Variants in KRTAP15-1 observed in about 807,000 individuals in gnomAD.
The protein encoded by KRTAP15-1 is keratin associated protein 15-1.
For missense variants in KRTAP15-1, 181 were observed against 156.8 expected (o/e 1.15, Z -0.83); for synonymous variants, 65 against 59.6 (o/e 1.09, Z -0.42).
At position 30,440,592 on chromosome 21, in the gene KRTAP15-1, A is replaced by G. The variant is rs370155424; in HGVS notation, c.265A>G (p.Thr89Ala). Reference protein sequence around the residue: ...KNSIFCSPRQTNYIRSLGCGN... With the variant: ...KNSIFCSPRQANYIRSLGCGN... ...TTCCATCTTCTGCAGTCCCCGCCAG[A>G]CTAACTACATAAGATCCCTTGGATG... The change falls in exon 1 of 1, where the codon ACT becomes GCT. Residue 89 changes from threonine to alanine, a missense_variant. Coordinates refer to ENST00000334067, the MANE Select transcript of KRTAP15-1 (RefSeq NM_181623.3). 2.4e-5 allele frequency: 39 copies of G among 1,614,040 alleles called. No individual in the cohort carries two copies. Among genetic ancestry groups the G allele is most frequent in the Non-Finnish European group, 3.2e-5 (38 of 1,180,034 alleles).
At position 30,440,610 on chromosome 21, in the gene KRTAP15-1, C is replaced by T; in HGVS notation, c.283C>T (p.Leu95Phe). 1 of 1,614,192 alleles carries T rather than the reference C, an allele frequency of 6.2e-7. No homozygotes were observed. The highest frequency in any genetic ancestry group is 8.5e-7 in the Non-Finnish European group (1 of 1,180,034). Residue 95 changes from leucine (L) to phenylalanine (F), a missense_variant, in exon 1 of 1, where the codon CTT becomes TTT. Physicochemically the swap from Leu to Phe is conservative, Grantham distance 22 (BLOSUM62 0). Coordinates refer to ENST00000334067, the MANE Select transcript of KRTAP15-1 (RefSeq NM_181623.3). ...CCGCCAGACTAACTACATAAGATCC[C>T]TTGGATGTGGAAACACTGGCCTTGG... ...SPRQTNYIRS[L>F]GCGNTGLGSL...
At position 30,440,653 on chromosome 21, in the gene KRTAP15-1, G is replaced by A. The variant is rs907156855; in HGVS notation, c.326G>A (p.Ser109Asn). 1 of 1,614,076 alleles carries A rather than the reference G, an allele frequency of 6.2e-7. No individual in the cohort carries two copies. The highest frequency in any genetic ancestry group is 1.3e-5 in the African/African-American group (1 of 74,928). ...NTGLGSLGCG[S>N]TGFQSLDCGS... Reference sequence around the variant, plus strand: ...GGCCTTGGATCTCTTGGTTGTGGAAGCACTGGCTTCCAATCTCTGGACTGT... The same window carrying A: ...GGCCTTGGATCTCTTGGTTGTGGAAACACTGGCTTCCAATCTCTGGACTGT... The change falls in exon 1 of 1, where the codon AGC becomes AAC. Residue 109 changes from serine to asparagine, a missense_variant. Coordinates refer to ENST00000334067, the MANE Select transcript of KRTAP15-1 (RefSeq NM_181623.3).
chr21:30,440,577 T>G lies in KRTAP15-1; in HGVS notation c.250T>G (p.Cys84Gly). The change falls in exon 1 of 1, where the codon TGC becomes GGC. Residue 84 changes from cysteine to glycine, a missense_variant. Cys to Gly is a radical substitution (Grantham distance 159, BLOSUM62 -3). Transcript: ENST00000334067. ...TTACTGCCCAAAGAATTCCATCTTC[T>G]GCAGTCCCCGCCAGACTAACTACAT... is the stretch of plus-strand genomic sequence containing the variant. The part of the protein sequence containing the change: ...SCYCPKNSIF[C>G]SPRQTNYIRS... The G allele has an allele frequency of 6.2e-7, 1 of 1,614,186 alleles. No individual in the cohort carries two copies. The highest frequency in any genetic ancestry group is 8.5e-7 in the Non-Finnish European group (1 of 1,180,024).
chr21:30,440,400 A>G lies in KRTAP15-1; in HGVS notation c.73A>G (p.Thr25Ala), dbSNP rs1189008566. The change falls in exon 1 of 1, where the codon ACT (threonine) becomes GCT (alanine). Residue 25 changes from threonine (T) to alanine (A), a missense_variant. By Grantham distance (58) the Thr-to-Ala change is moderately conservative. Coordinates refer to ENST00000334067, the MANE Select transcript of KRTAP15-1 (RefSeq NM_181623.3). ...FGSYLRYPVS[T>A]YNLFYPSNAI... is the part of the protein sequence containing the mutation. ...AAGTTACCTGAGGTATCCAGTTTCC[A>G]CTTATAATTTGTTCTACCCCAGCAA... 3 of 1,614,050 alleles carry G rather than the reference A, an allele frequency of 1.9e-6. 1 individual carries two copies. Among genetic ancestry groups the G allele is most frequent in the South Asian group, 2.2e-5 (2 of 91,072 alleles).
In KRTAP15-1 at chr21:30,440,353, A is replaced by C; in HGVS notation, c.26A>C (p.Asn9Thr). ...ATGTCTTACAACTGCAGCTCTGGAA[A>C]CTTCTCCTCCTGCTGTTTTGGAAGT... Reference protein sequence around the residue: MSYNCSSGNFSSCCFGSYL... With the variant: MSYNCSSGTFSSCCFGSYL... Residue 9 changes from asparagine to threonine, a missense_variant, in exon 1 of 1, where the codon AAC (asparagine) becomes ACC (threonine). Transcript: ENST00000334067. The C allele has an allele frequency of 6.2e-7, 1 of 1,610,290 alleles. No homozygotes were observed.
chr21:30,440,410 T>A, the KRTAP15-1 span: 1 of 1,614,086 alleles, frequency 6.2e-7, no homozygotes, highest in Non-Finnish European at 8.5e-7. Flanking sequence ...ACTTATAATT[T>A]GTTCTACCCC....
In KRTAP15-1 at chr21:30,440,431, T is replaced by A. The variant is rs1279033880; in HGVS notation, c.104T>A (p.Ile35Asn). 1.1e-5 allele frequency: 18 copies of A among 1,613,978 alleles called. No individual in the cohort carries two copies. The highest frequency in any genetic ancestry group is 1.4e-5 in the Non-Finnish European group (17 of 1,179,954). ...AATTTGTTCTACCCCAGCAATGCCA[T>A]CTATTCTCCAAATACCTGCCAACTG... ...TYNLFYPSNA[I>N]YSPNTCQLGS... The change falls in exon 1 of 1, where the codon ATC becomes AAC. Residue 35 changes from isoleucine (I) to asparagine (N), a missense_variant. By Grantham distance (149) the Ile-to-Asn change is moderately radical. Coordinates refer to ENST00000334067, the MANE Select transcript of KRTAP15-1 (RefSeq NM_181623.3).
Position 30,440,321 on chromosome 21 carries a change from T to A in KRTAP15-1, c.-7T>A, listed in dbSNP as rs774529169. 3 of 1,592,036 alleles carry A rather than the reference T, an allele frequency of 1.9e-6. No individual in the cohort carries two copies. The Admixed American group carries it at 5.1e-5, about 27-fold the overall frequency. ...GCAAATCACCTGAGCTCAGAACTCC[T>A]GTTAACATGTCTTACAACTGCAGCT... is the stretch of plus-strand genomic sequence containing the variant. On this transcript the variant is annotated 5_prime_UTR_variant, in exon 1 of 1. Transcript: ENST00000334067.
Position 30,440,848 on chromosome 21 carries a change from C to A in KRTAP15-1, c.*107C>A, listed in dbSNP as rs1481755001. On this transcript the variant is annotated 3_prime_UTR_variant, in exon 1 of 1. Coordinates refer to ENST00000334067, the MANE Select transcript of KRTAP15-1 (RefSeq NM_181623.3). ...CTGCAACACTCAGCCTGTCCAATAT[C>A]TGTGATTGTTGACCATCTACATCAG... 1.8e-6 allele frequency: 2 copies of A among 1,099,270 alleles called. No individual in the cohort carries two copies. The highest frequency in any genetic ancestry group is 2.4e-5 in the East Asian group (1 of 42,268). 68.1% of individuals were successfully genotyped at this position (1,099,270 alleles called of 1,614,324 possible). A position where few individuals can be genotyped will look rare whatever the true frequency, so the allele number is the denominator to read the frequency against.
chr21:30,440,748 T>G lies in KRTAP15-1; in HGVS notation c.*7T>G, dbSNP rs1289684536. On this transcript the variant is annotated 3_prime_UTR_variant, in exon 1 of 1. Coordinates refer to ENST00000334067, the MANE Select transcript of KRTAP15-1 (RefSeq NM_181623.3). ...CCAGGCAACTTGTTACTAACCAGCC[T>G]TTGGGTCTCGCCTTTTTGGATCATC... 5.0e-6 allele frequency: 8 copies of G among 1,603,940 alleles called. No homozygotes were observed. Among genetic ancestry groups the G allele is most frequent in the Non-Finnish European group, 6.8e-6 (8 of 1,175,324 alleles).
rs749763094 is a variant in KRTAP15-1 at position 30,440,391 on chromosome 21, C to A, written c.64C>A (p.Pro22Thr). The change falls in exon 1 of 1, where the codon CCA becomes ACA. Residue 22 changes from proline to threonine, a missense_variant. By Grantham distance (38) the Pro-to-Thr change is conservative (BLOSUM62 -1). Transcript: ENST00000334067. ...SCCFGSYLRY[P>T]VSTYNLFYPS... is the part of the protein sequence containing the mutation. ...CTGTTTTGGAAGTTACCTGAGGTATCCAGTTTCCACTTATAATTTGTTCTA... is the reference window on the plus strand; with the variant it reads ...CTGTTTTGGAAGTTACCTGAGGTATACAGTTTCCACTTATAATTTGTTCTA... The A allele has an allele frequency of 1.9e-6, 3 of 1,613,976 alleles. No individual in the cohort carries two copies. The highest frequency in any genetic ancestry group is 1.7e-5 in the Admixed American group (1 of 60,006).
chr21:30,440,781 A>G lies in KRTAP15-1; in HGVS notation c.*40A>G. On this transcript the variant is annotated 3_prime_UTR_variant, in exon 1 of 1. Coordinates refer to ENST00000334067, the MANE Select transcript of KRTAP15-1 (RefSeq NM_181623.3). ...TCGCCTTTTTGGATCATCTTACTGAATATTCTCCATTCTCTCATGATTATT... is the reference window on the plus strand; with the variant it reads ...TCGCCTTTTTGGATCATCTTACTGAGTATTCTCCATTCTCTCATGATTATT... The G allele has an allele frequency of 6.5e-7, 1 of 1,534,674 alleles. No homozygotes were observed. The highest frequency in any genetic ancestry group is 2.3e-5 in the East Asian group (1 of 44,436).
At position 30,440,777 on chromosome 21, in the gene KRTAP15-1, C is replaced by G; in HGVS notation, c.*36C>G. The G allele has an allele frequency of 1.3e-6, 2 of 1,552,946 alleles. No homozygotes were observed. The highest frequency in any genetic ancestry group is 1.2e-5 in the South Asian group (1 of 82,738). ...GGTCTCGCCTTTTTGGATCATCTTA[C>G]TGAATATTCTCCATTCTCTCATGAT... On this transcript the variant is annotated 3_prime_UTR_variant, in exon 1 of 1. Transcript: ENST00000334067.
In KRTAP15-1 at chr21:30,440,727, G is replaced by T. The variant is rs531037195; in HGVS notation, c.400G>T (p.Ala134Ser). The change falls in exon 1 of 1, where the codon GCA (alanine) becomes TCA (serine). Residue 134 changes from alanine to serine, a missense_variant. Transcript: ENST00000334067. ...PTTFSSRNFQ[A>S]TCY ...TACCTTTTCATCCAGGAATTTCCAG[G>T]CAACTTGTTACTAACCAGCCTTTGG... 4 of 1,612,424 alleles carry T rather than the reference G, an allele frequency of 2.5e-6. No individual in the cohort carries two copies. In the East Asian group the frequency reaches 6.7e-5, roughly 27 times the overall value.
chr21:30,440,642 T>A lies in KRTAP15-1; in HGVS notation c.315T>A (p.Leu105=). ...LGCGNTGLGS[L]GCGSTGFQSL... ...GTGGAAACACTGGCCTTGGATCTCT[T>A]GGTTGTGGAAGCACTGGCTTCCAAT... The change falls in exon 1 of 1, where the codon CTT becomes CTA. Residue 105 remains leucine, a synonymous_variant. Transcript: ENST00000334067. 6.2e-7 allele frequency: 1 copy of A among 1,614,198 alleles called. No homozygotes were observed. The highest frequency in any genetic ancestry group is 1.3e-5 in the African/African-American group (1 of 75,052).
chr21:30,440,562 A>G lies in KRTAP15-1; in HGVS notation c.235A>G (p.Lys79Glu), dbSNP rs758866724. ...CTATCAGACATCCTGTTACTGCCCA[A>G]AGAATTCCATCTTCTGCAGTCCCCG... ...RSYQTSCYCP[K>E]NSIFCSPRQT... The change falls in exon 1 of 1, where the codon AAG (lysine) becomes GAG (glutamate). Residue 79 changes from lysine (K) to glutamate (E), a missense_variant. By Grantham distance (56) the Lys-to-Glu change is moderately conservative (BLOSUM62 1). Coordinates refer to ENST00000334067, the MANE Select transcript of KRTAP15-1 (RefSeq NM_181623.3). The G allele has an allele frequency of 4.3e-6, 7 of 1,614,050 alleles. No homozygotes were observed. In the African/African-American group the frequency reaches 6.7e-5, roughly 15 times the overall value.
In KRTAP15-1 at chr21:30,440,553, T is replaced by G; in HGVS notation, c.226T>G (p.Tyr76Asp). ...GGCCAGATCCTATCAGACATCCTGT[T>G]ACTGCCCAAAGAATTCCATCTTCTG... ...TLARSYQTSCYCPKNSIFCSP... is the reference protein window; with the variant it reads ...TLARSYQTSCDCPKNSIFCSP... The change falls in exon 1 of 1, where the codon TAC (tyrosine) becomes GAC (aspartate). Residue 76 changes from tyrosine (Y) to aspartate (D), a missense_variant. Transcript: ENST00000334067. 1 of 1,614,226 alleles carries G rather than the reference T, an allele frequency of 6.2e-7. No individual in the cohort carries two copies. The highest frequency in any genetic ancestry group is 8.5e-7 in the Non-Finnish European group (1 of 1,180,032).
rs758979576 is a variant in KRTAP15-1, at chr21:30,440,640, C to G, written c.313C>G (p.Leu105Val). 1.2e-6 allele frequency: 2 copies of G among 1,614,168 alleles called. No homozygotes were observed. The change falls in exon 1 of 1, where the codon CTT becomes GTT. Residue 105 changes from leucine to valine, a missense_variant. Physicochemically the swap from Leu to Val is conservative, Grantham distance 32. Coordinates refer to ENST00000334067, the MANE Select transcript of KRTAP15-1 (RefSeq NM_181623.3). ...LGCGNTGLGS[L>V]GCGSTGFQSL... ...ATGTGGAAACACTGGCCTTGGATCT[C>G]TTGGTTGTGGAAGCACTGGCTTCCA... is the stretch of plus-strand genomic sequence containing the variant.
chr21:30,440,606 A>G lies in KRTAP15-1; in HGVS notation c.279A>G (p.Arg93=). Residue 93 remains arginine (R), a synonymous_variant, in exon 1 of 1, where the codon AGA becomes AGG. Transcript: ENST00000334067. ...FCSPRQTNYI[R]SLGCGNTGLG... is the part of the protein sequence containing the mutation. ...GTCCCCGCCAGACTAACTACATAAG[A>G]TCCCTTGGATGTGGAAACACTGGCC... The G allele has an allele frequency of 6.2e-7, 1 of 1,614,078 alleles. No homozygotes were observed. The highest frequency in any genetic ancestry group is 8.5e-7 in the Non-Finnish European group (1 of 1,180,020).
Sources: allele counts gnomAD v4.1 joint callset, GRCh38; gene constraint gnomAD v4.1.1; transcripts MANE v1.5; gene names NCBI Gene and HGNC (gene_info 2026-07-23, HGNC 2026-07-21).